The following ESRRG variants were observed in gnomAD, a reference collection of about 807,000 sequenced individuals.
ESRRG encodes estrogen-related receptor gamma.
Under a neutral mutation model 44.0 loss-of-function variants are expected in ESRRG, and 13 were observed. The observed-to-expected ratio is 0.30, with a 90% CI of 0.19 to 0.47. The LOEUF is 0.47. ESRRG is among the 20% of genes least tolerant of loss of function. The pLI, the probability that ESRRG is intolerant of heterozygous loss-of-function variation, is 1.00. For missense variants in ESRRG, 395 were observed against 580.6 expected (o/e 0.68, Z 3.29); for synonymous variants, 215 against 214.6 (o/e 1.00, Z -0.02).
At chr1:216,858,902 TG>T (rs2096001707) in intron 2 of ESRRG, among the ~76,000 whole-genome samples, 1 of 152,218 alleles carries the variant, frequency 6.6e-6, no homozygotes, top group South Asian at 2.1e-4. Flanking sequence ...ACTGATATAT[TG>T]GCTCTGACCC....
chr1:216,601,956 C>A (rs554923622), intron 3 of ESRRG, among the ~76,000 whole-genome samples: 1 of 152,224 alleles, frequency 6.6e-6, no homozygotes, highest in African/African-American at 2.4e-5. Context: ...TTATTAAAAT[C>A]CTCTTAATTA....
chr1:216,802,842 A>G (rs2094666585), intron 2 of ESRRG, among the ~76,000 whole-genome samples: 1 of 152,274 alleles, frequency 6.6e-6, no homozygotes, highest in South Asian at 2.1e-4. Flanking sequence ...TAGTATCCCC[A>G]CTTATAGATT....
intron 2 of ESRRG, among the ~76,000 whole-genome samples, chr1:216,774,909 C>T (rs776030991): frequency 6.0e-5 from 9 of 150,136 alleles, no homozygotes; most frequent in South Asian, 2.1e-4. Flanking sequence ...TTAAGCAATC[C>T]TCCCACCTCA....
At chr1:217,041,371 G>T (rs2083833550) in intron 1 of ESRRG, among the ~76,000 whole-genome samples, 1 of 151,886 alleles carries the variant, frequency 6.6e-6, no homozygotes, top group Non-Finnish European at 1.5e-5. Flanking sequence ...ATAGCAAGTT[G>T]GTATAAAGGT....
chr1:216,827,314 T>C (rs1394092682), intron 2 of ESRRG, among the ~76,000 whole-genome samples: 1 of 152,232 alleles, frequency 6.6e-6, no homozygotes, highest in African/African-American at 2.4e-5. Flanking sequence ...ACTCACCTTA[T>C]TCTGTCCTGG....
At chr1:217,003,419 T>C (rs2150686676) in intron 1 of ESRRG, among the ~76,000 whole-genome samples, 1 of 152,056 alleles carries the variant, frequency 6.6e-6, no homozygotes, top group East Asian at 1.9e-4. Context: ...TAAACATTAG[T>C]TTCCCTTTTC....
Position 216,753,125 on chromosome 1 carries a change from AC to A in ESRRG, c.-13-75635del, listed in dbSNP as rs760822242. ...TGTAACCTATAAGCATTACCAATTAACATGGGCAAATGATAACCAAAGGCAA... is the reference window on the plus strand; with the variant it reads ...TGTAACCTATAAGCATTACCAATTAAATGGGCAAATGATAACCAAAGGCAA... On this transcript the variant is annotated intron_variant, in intron 2 of 7. Transcript: ENST00000359162. Among the ~76,000 whole-genome samples the A allele has an allele frequency of 2.6e-5, 4 of 151,872 alleles. No individual in the cohort carries two copies. The Admixed American group carries it at 2.6e-4, about 10-fold the overall frequency.
At chr1:216,614,475 C>T (rs1046914958) in intron 3 of ESRRG, among the ~76,000 whole-genome samples, 1 of 152,132 alleles carries the variant, frequency 6.6e-6, no homozygotes, top group Admixed American at 6.5e-5. Context: ...CTGGTGAGTA[C>T]TCCAGCGACC....
At chr1:216,680,067 G>A (rs902499034) in intron 1 of ESRRG, among the ~76,000 whole-genome samples, 1 of 152,214 alleles carries the variant, frequency 6.6e-6, no homozygotes, top group Non-Finnish European at 1.5e-5. Flanking sequence ...GGCCACTGGA[G>A]CCATACATGA....
chr1:217,135,142 AC>A (rs1204456721), intron 1 of ESRRG, among the ~76,000 whole-genome samples: 1 of 152,218 alleles, frequency 6.6e-6, no homozygotes, highest in African/African-American at 2.4e-5. Context: ...GGTCAGAGCT[AC>A]TGCGAAAGGA....
intron 2 of ESRRG, among the ~76,000 whole-genome samples, chr1:216,792,074 C>A (rs2094336395): frequency 6.6e-6 from 1 of 152,100 alleles, no homozygotes; most frequent in Non-Finnish European, 1.5e-5. Flanking sequence ...ATTAGTATAT[C>A]TTATAAATAA....
intron 1 of ESRRG, among the ~76,000 whole-genome samples, chr1:217,026,784 T>C (rs1473225358): frequency 6.6e-6 from 1 of 151,978 alleles, no homozygotes; most frequent in African/African-American, 2.4e-5. Context: ...AAACATTCCA[T>C]GCAGAGTCCC....
intron 3 of ESRRG, among the ~76,000 whole-genome samples, chr1:216,569,674 A>C (rs1044180683): frequency 6.6e-6 from 1 of 152,198 alleles, no homozygotes; most frequent in African/African-American, 2.4e-5. Context: ...CTCTTTTGCA[A>C]TATTACATTG....
In ESRRG at chr1:216,522,436, A is replaced by G. The variant is rs1414685380; in HGVS notation, c.863-3015T>C. 1.2e-4 allele frequency among the ~76,000 whole-genome samples: 15 copies of G among 126,738 alleles called. No individual in the cohort carries two copies. The East Asian group carries it at 3.2e-3, about 27-fold the overall frequency. The allele number at this position is 126,738 out of a possible 152,430, so 83.1% of individuals were successfully genotyped here. On this transcript the variant is annotated intron_variant, in intron 5 of 6. Transcript: ENST00000408911. ...AATCTATGCCTTACAAAATAAAATA[A>G]AAGTCTGAACTTCTTCTATCTTTTC...
chr1:216,682,529 AT>A (rs1476733213), intron 1 of ESRRG, among the ~76,000 whole-genome samples: 2 of 152,126 alleles, frequency 1.3e-5, no homozygotes, highest in Non-Finnish European at 2.9e-5. Flanking sequence ...TGTGTGATTC[AT>A]CAGAATCACA....
intron 1 of ESRRG, among the ~76,000 whole-genome samples, chr1:216,954,770 C>T (rs375208701): frequency 5.9e-5 from 9 of 152,114 alleles, no homozygotes; most frequent in East Asian, 5.8e-4. Flanking sequence ...TGCCAGCTGA[C>T]AGGCAGAGGA....
chr1:216,877,088 A>C (rs1238867918), intron 2 of ESRRG, among the ~76,000 whole-genome samples: 1 of 151,966 alleles, frequency 6.6e-6, no homozygotes, highest in East Asian at 1.9e-4. Flanking sequence ...TGAAAACCTT[A>C]GTCTAGTAGA....
intron 2 of ESRRG, among the ~76,000 whole-genome samples, chr1:216,899,065 A>G (rs1261225728): frequency 6.6e-6 from 1 of 152,210 alleles, no homozygotes; most frequent in Non-Finnish European, 1.5e-5. Flanking sequence ...CAGGAGAAGT[A>G]GTAACAGGGT....
intron 1 of ESRRG, among the ~76,000 whole-genome samples, chr1:216,721,340 A>G (rs1465078150): frequency 5.9e-5 from 9 of 152,246 alleles, no homozygotes; most frequent in Non-Finnish European, 8.8e-5. Flanking sequence ...TACAATTACT[A>G]TGAATATTAA....
Sources: gnomAD v4.1 joint callset for allele counts (sites outside exome capture counted in the v4.1 genomes callset) on GRCh38, gnomAD v4.1.1 for gene constraint, MANE v1.5 for transcripts, NCBI Gene and HGNC (gene_info 2026-07-23, HGNC 2026-07-21) for gene names.